The following CDH23 variants were observed in gnomAD, a reference collection of about 807,000 sequenced individuals.
CDH23 encodes the protein cadherin-23.
CDH23 carries 189 observed loss-of-function variants against 317.1 expected under a neutral mutation model. The ratio of observed to expected loss-of-function variants is 0.60; its 90% CI spans 0.53 to 0.67. The LOEUF is 0.67. CDH23 is among the 30% of genes least tolerant of loss of function. The pLI, the probability that CDH23 is intolerant of heterozygous loss-of-function variation, is 0.00. For synonymous variants in CDH23, 1,839 were observed against 1,876.8 expected, an observed-to-expected ratio of 0.98 and a Z score of 0.52; for missense variants, 4,401 against 4,592.4, an observed-to-expected ratio of 0.96 and a Z score of 1.20.
In CDH23 at chr10:71,438,646, A is replaced by C. The variant is rs74966106; in HGVS notation, c.-5-1181A>C. On this transcript the variant is annotated intron_variant, in intron 1 of 69. Transcript: ENST00000224721. ...CCCCTATATCTTGGCAGAGATGTGGAAGTCTCTCCAAAAATCCTTTCCTCC... is the reference window on the plus strand; with the variant it reads ...CCCCTATATCTTGGCAGAGATGTGGCAGTCTCTCCAAAAATCCTTTCCTCC... Among the ~76,000 whole-genome samples the C allele has an allele frequency of 7.1e-4, 108 of 152,210 alleles. 1 individual carries two copies. In the East Asian group the frequency reaches 7.7e-3, roughly 11 times the overall value.
chr10:71,801,403 C>T (rs958710187), intron 53 of CDH23, among the ~76,000 whole-genome samples: 1 of 152,084 alleles, frequency 6.6e-6, no homozygotes, highest in Non-Finnish European at 1.5e-5. Flanking sequence ...ATTCGCCCAC[C>T]TCGGCCTCCC....
intron 6 of CDH23, chr10:71,511,882 G>C (rs982140468): frequency 1.3e-5 from 2 of 154,172 alleles, no homozygotes. Context: ...TGGTCTGGCA[G>C]TTAGTGATTC....
intron 6 of CDH23, among the ~76,000 whole-genome samples, chr10:71,532,711 G>GTTTTTTTTTGTTTTTTTTTTTTTTTTTTT (rs1855452212): frequency 7.8e-6 from 1 of 128,100 alleles, no homozygotes; most frequent in Non-Finnish European, 1.8e-5. Flanking sequence ...TTTTGTTTTT[G>GTTTTTTTTTGTTTTTTTTTTTTTTTTTTT]TTTTTTTTTT....
chr10:71,640,009 T>C (rs755080672), intron 11 of CDH23, among the ~76,000 whole-genome samples: 69 of 152,164 alleles, frequency 4.5e-4, no homozygotes, highest in Non-Finnish European at 8.8e-4. Context: ...CTGCAGCGTC[T>C]GGCCTGCGTG....
At chr10:71,450,738 C>T (rs754387111) in intron 3 of CDH23, among the ~76,000 whole-genome samples, 6 of 152,138 alleles carry the variant, frequency 3.9e-5, no homozygotes, top group African/African-American at 7.2e-5. Context: ...TGGTTCCTCC[C>T]GCACCTCTTA....
intron 9 of CDH23, among the ~76,000 whole-genome samples, chr10:71,607,192 G>A (rs926803528): frequency 1.3e-5 from 2 of 152,252 alleles, no homozygotes; most frequent in African/African-American, 4.8e-5. Context: ...ACAGCGATGG[G>A]CCTGCAAGCC....
chr10:71,403,408 T>TCTTCCTTCCTTCCTTC (rs1176829681), intron 1 of CDH23, among the ~76,000 whole-genome samples: 2 of 57,112 alleles, frequency 3.5e-5, no homozygotes, highest in African/African-American at 1.3e-4. Flanking sequence ...TCTTTCTTTC[T>TCTTCCTTCCTTCCTTC]CTTCCTTCCT....
At chr10:71,652,585 C>A (rs1280765392) in intron 14 of CDH23, among the ~76,000 whole-genome samples, 1 of 152,246 alleles carries the variant, frequency 6.6e-6, no homozygotes, top group African/African-American at 2.4e-5. Context: ...GACACCGGGC[C>A]TCAGTTTCCT....
At chr10:71,569,980 A>T (rs548528853) in intron 7 of CDH23, among the ~76,000 whole-genome samples, 4 of 152,182 alleles carry the variant, frequency 2.6e-5, no homozygotes, top group African/African-American at 9.6e-5. Flanking sequence ...GGTGCACAAC[A>T]GCCTCGAACT....
rs752834850 is a variant in CDH23 at position 71,709,227 on chromosome 10, G to A, written c.3220+16G>A. The A allele has an allele frequency of 1.1e-5, 18 of 1,601,992 alleles. No homozygotes were observed. The highest frequency in any genetic ancestry group is 1.7e-5 in the Admixed American group (1 of 59,924). On this transcript the variant is annotated intron_variant, in intron 27 of 69. Transcript: ENST00000224721. ...GAGGCCATCGGTATGCACCAGTCCC[G>A]CACCCACCAACACAGTGATCTGGGC...
At chr10:71,713,313 C>T (rs1374871709) in intron 28 of CDH23, 1 of 778,582 alleles carries the variant, frequency 1.3e-6, no homozygotes, top group Non-Finnish European at 2.4e-6. Context: ...GAAGGGAGGA[C>T]CCTGAAAACA....
intron 28 of CDH23, 196 bp downstream of exon 28, chr10:71,713,009 T>TTGCAGAGC: frequency 1.3e-6 from 1 of 756,160 alleles, no homozygotes; most frequent in Non-Finnish European, 2.4e-6. Context: ...GGCCCCCAGG[T>TTGCAGAGC]TGCAGAGCTG....
At chr10:71,707,792 CT>C (rs879457183) in intron 26 of CDH23, among the ~76,000 whole-genome samples, 3 of 152,170 alleles carry the variant, frequency 2.0e-5, no homozygotes, top group Non-Finnish European at 4.4e-5. Flanking sequence ...TGTCCATGAC[CT>C]GCCTACCAAC....
intron 8 of CDH23, among the ~76,000 whole-genome samples, chr10:71,571,734 C>T (rs1364896203): frequency 6.6e-6 from 1 of 152,240 alleles, no homozygotes; most frequent in Non-Finnish European, 1.5e-5. Context: ...TGGTCATTAG[C>T]TTAGGGAACA....
At chr10:71,691,927 GCC>G (rs1373633110) in intron 20 of CDH23, among the ~76,000 whole-genome samples, 1 of 152,166 alleles carries the variant, frequency 6.6e-6, no homozygotes, top group Admixed American at 6.5e-5. Context: ...GGGACCCAGG[GCC>G]ACTGTGAGCC....
chr10:71,721,675 G>A (rs554930110), intron 28 of CDH23, among the ~76,000 whole-genome samples: 15 of 152,212 alleles, frequency 9.9e-5, no homozygotes, highest in Admixed American at 2.0e-4. Context: ...CACACTTACC[G>A]CAGTGCCCGG....
chr10:71,441,158 C>A (rs1849857579), intron 2 of CDH23, among the ~76,000 whole-genome samples: 1 of 152,166 alleles, frequency 6.6e-6, no homozygotes, highest in African/African-American at 2.4e-5. Flanking sequence ...ACACCGAACC[C>A]TGGAGAAGCT....
Position 71,661,893 on chromosome 10 carries a change from C to T in CDH23, c.1450-13219C>T, listed in dbSNP as rs542625307. 1.1e-4 allele frequency among the ~76,000 whole-genome samples: 13 copies of T among 118,848 alleles called. No individual in the cohort carries two copies. The South Asian group carries it at 2.7e-3, about 25-fold the overall frequency. The allele number at this position is 118,848 out of a possible 152,430, so 78.0% of individuals were successfully genotyped here. A position where few individuals can be genotyped will look rare whatever the true frequency, so the allele number is the denominator to read the frequency against. On this transcript the variant is annotated intron_variant, in intron 14 of 69. Transcript: ENST00000224721. ...CGTCCCCTCCCACCCAGCGCGCCCC[C>T]TCCCACCCAGCGCGCCCCCTTCCAC...
At chr10:71,584,389 A>C (rs768373561) in intron 9 of CDH23, among the ~76,000 whole-genome samples, 5 of 152,206 alleles carry the variant, frequency 3.3e-5, no homozygotes, top group Admixed American at 6.5e-5. Flanking sequence ...CCTCACTTCC[A>C]GGTCACACTG....
Sources: allele counts gnomAD v4.1 joint callset (sites outside exome capture counted in the v4.1 genomes callset), GRCh38; gene constraint gnomAD v4.1.1; transcripts MANE v1.5; gene names NCBI Gene and HGNC (gene_info 2026-07-23, HGNC 2026-07-21).